The following C1orf210 variants were observed in gnomAD, a reference collection of about 807,000 sequenced individuals.
C1orf210 encodes chromosome 1 open reading frame 210.
C1orf210 carries 3 observed loss-of-function variants against 3.7 expected under a neutral mutation model. The ratio of observed to expected loss-of-function variants is 0.81; its 90% CI spans 0.37 to 2.08. C1orf210 has a LOEUF of 2.08. Ranked by LOEUF, C1orf210 falls within the 30% of genes most tolerant of loss-of-function variation. The pLI is 0.06. For missense variants in C1orf210, 143 were observed against 147.7 expected (o/e 0.97, Z 0.17); for synonymous variants, 62 against 61.7 (o/e 1.00, Z -0.02).
At chr1:43,284,297 A>G (rs1248582408) in intron 1 of C1orf210, among the ~76,000 whole-genome samples, 2 of 152,082 alleles carry the variant, frequency 1.3e-5, no homozygotes, top group African/African-American at 2.4e-5. Context: ...CTAGGGCAGG[A>G]GCATATCTGC....
rs959267306 is a variant in C1orf210 at position 43,284,062 on chromosome 1, A to G, written c.-98-694T>C. The stretch of plus-strand genomic sequence containing the variant: ...CACAGGGAGGCTCAAGCCAGGGAGT[A>G]TCCAAATGAGGATCACCTGAATCAG... On this transcript the variant is annotated intron_variant, in intron 1 of 2. Transcript: ENST00000523677. Among the ~76,000 whole-genome samples the G allele has an allele frequency of 6.6e-5, 10 of 152,220 alleles. 1 individual carries two copies. Among genetic ancestry groups the G allele is most frequent in the Middle Eastern group, 3.2e-3 (1 of 316 alleles).
intron 1 of C1orf210, among the ~76,000 whole-genome samples, chr1:43,285,018 T>C (rs1027263347): frequency 6.6e-6 from 1 of 152,164 alleles, no homozygotes; most frequent in African/African-American, 2.4e-5. Context: ...TGCAGGGAGC[T>C]GGGCGTTCAG....
At position 43,285,426 on chromosome 1, in the gene C1orf210, A is replaced by G. The variant is rs1344566516; in HGVS notation, c.-99+18T>C. On this transcript the variant is annotated intron_variant, in intron 1 of 2. Coordinates refer to ENST00000523677, the MANE Select transcript of C1orf210 (RefSeq NM_182517.3). ...TCCTCCACCAACAAACACCCCTCTGACATGCACAGACACCTACCCCAACTC... is the reference window on the plus strand; with the variant it reads ...TCCTCCACCAACAAACACCCCTCTGGCATGCACAGACACCTACCCCAACTC... 1 of 152,228 alleles carries G rather than the reference A, an allele frequency of 6.6e-6. No homozygotes were observed. The highest frequency in any genetic ancestry group is 6.6e-5 in the Admixed American group (1 of 15,260). 9.4% of individuals were successfully genotyped at this position (152,228 alleles called of 1,614,324 possible).
At chr1:43,283,184 G>T (rs990683027) in intron 2 of C1orf210, 68 bp downstream of exon 2, 9 of 1,599,172 alleles carry the variant, frequency 5.6e-6, no homozygotes, top group Non-Finnish European at 6.8e-6. Context: ...TGCAGGTAGG[G>T]TCCTTCCCCC....
chr1:43,282,266 G>GGA lies in C1orf210; in HGVS notation c.*518_*519insTC, dbSNP rs796142347. 2.1e-5 allele frequency: 3 copies of GGA among 145,808 alleles called. No individual in the cohort carries two copies. The highest frequency in any genetic ancestry group is 3.0e-5 in the Non-Finnish European group (2 of 66,682). 9.0% of individuals were successfully genotyped at this position (145,808 alleles called of 1,614,324 possible). On this transcript the variant is annotated 3_prime_UTR_variant, in exon 3 of 3. Coordinates refer to ENST00000523677, the MANE Select transcript of C1orf210 (RefSeq NM_182517.3). ...GCAACAGAGTGAGACTCCGTCTCAGGAAAAAAAAAAAAAGGAAGCTTGGCA... is the reference window on the plus strand; with the variant it reads ...GCAACAGAGTGAGACTCCGTCTCAGGGAAAAAAAAAAAAAAGGAAGCTTGGCA...
chr1:43,282,995 G>A lies in C1orf210; in HGVS notation c.132C>T (p.Leu44=), dbSNP rs368082978. The A allele has an allele frequency of 1.2e-5, 19 of 1,614,026 alleles. No individual in the cohort carries two copies. Among genetic ancestry groups the A allele is most frequent in the Non-Finnish European group, 1.4e-5 (17 of 1,179,986 alleles). The change falls in exon 3 of 3, where the codon CTC becomes CTT. Residue 44 remains leucine (L), a synonymous_variant. Transcript: ENST00000523677. ...TGGCAGCAAGTGCAATGAGGAGCGA[G>A]AGGACCACAGCCCCCAGCACAAATC... ...LVGFVLGAVV[L]SLLIALAAKC... is the part of the protein sequence containing the mutation.
Position 43,283,106 on chromosome 1 carries a change from T to G in C1orf210, c.21A>C (p.Thr7=). 1 of 1,612,002 alleles carries G rather than the reference T, an allele frequency of 6.2e-7. No individual in the cohort carries two copies. Among genetic ancestry groups the G allele is most frequent in the Non-Finnish European group, 8.5e-7 (1 of 1,178,756 alleles). Reference sequence around the variant, plus strand: ...TGGGGAGCTCCGAAGGCCCAACAAGTGCTGCAGAGAAAGGGACAGCATTAT... The same window carrying G: ...TGGGGAGCTCCGAAGGCCCAACAAGGGCTGCAGAGAAAGGGACAGCATTAT... The part of the protein sequence containing the change: MNETNK[T]LVGPSELPTA... Residue 7 remains threonine (T), a splice_region_variant and synonymous_variant, in exon 3 of 3, where the codon ACA becomes ACC. Transcript: ENST00000523677.
At chr1:43,284,127 C>T (rs575543046) in intron 1 of C1orf210, among the ~76,000 whole-genome samples, 4 of 152,148 alleles carry the variant, frequency 2.6e-5, no homozygotes, top group African/African-American at 9.7e-5. Flanking sequence ...AGAGGAGGAA[C>T]ACTTCAATTA....
Position 43,283,026 on chromosome 1 carries a change from A to G in C1orf210, c.101T>C (p.Leu34Pro), listed in dbSNP as rs768316055. 1 of 1,614,050 alleles carries G rather than the reference A, an allele frequency of 6.2e-7. No individual in the cohort carries two copies. The highest frequency in any genetic ancestry group is 1.7e-5 in the Admixed American group (1 of 60,030). Residue 34 changes from leucine to proline, a missense_variant, in exon 3 of 3, where the codon CTG becomes CCG. By Grantham distance (98) the Leu-to-Pro change is moderately conservative. Transcript: ENST00000523677. ...CACAGCCCCCAGCACAAATCCTACC[A>G]GCACAGGCCATGCCCGAGCCCCAGT... Reference protein sequence around the residue: ...PGTGARAWPVLVGFVLGAVVL... With the variant: ...PGTGARAWPVPVGFVLGAVVL...
At chr1:43,283,128 T>C in intron 2 of C1orf210, 21 bp from the exon 3 acceptor site, 1 of 1,606,080 alleles carries the variant, frequency 6.2e-7, no homozygotes, top group Non-Finnish European at 8.5e-7. Flanking sequence ...AGGGACAGCA[T>C]TATAGGTGGG....
Position 43,283,319 on chromosome 1 carries a change from C to T in C1orf210, c.-49G>A, listed in dbSNP as rs1363640842. 6.2e-7 allele frequency: 1 copy of T among 1,607,080 alleles called. No homozygotes were observed. The highest frequency in any genetic ancestry group is 8.5e-7 in the Non-Finnish European group (1 of 1,177,128). ...AGTCTCAGCCTCAACCAGAAAGAGCCCTGGCTCTGAGGAGGCCCCCAGATG... is the reference window on the plus strand; with the variant it reads ...AGTCTCAGCCTCAACCAGAAAGAGCTCTGGCTCTGAGGAGGCCCCCAGATG... On this transcript the variant is annotated 5_prime_UTR_variant, in exon 2 of 3. Transcript: ENST00000523677.
intron 1 of C1orf210, among the ~76,000 whole-genome samples, chr1:43,284,979 G>A (rs1329094734): frequency 1.3e-5 from 2 of 152,236 alleles, no homozygotes; most frequent in East Asian, 1.9e-4. Flanking sequence ...CGTGGGCAAC[G>A]GCTGGCTGAA....
At chr1:43,285,791 A>G (rs921182181), upstream of C1orf210, among the ~76,000 whole-genome samples, 11 of 151,898 alleles carry the variant, frequency 7.2e-5, no homozygotes, top group South Asian at 4.2e-4. Flanking sequence ...TCACCCCCCA[A>G]TGCTTGCGGT....
chr1:43,283,487 C>T (rs528284447), intron 1 of C1orf210, 119 bp from the exon 2 acceptor site: 2 of 521,494 alleles, frequency 3.8e-6, no homozygotes, highest in Non-Finnish European at 6.8e-6. Flanking sequence ...ACCACACCAG[C>T]TCTCCACAGA....
chr1:43,284,248 G>C (rs1448367948), intron 1 of C1orf210, among the ~76,000 whole-genome samples: 1 of 152,138 alleles, frequency 6.6e-6, no homozygotes, highest in Non-Finnish European at 1.5e-5. Flanking sequence ...GTATCTAGAG[G>C]AGGAGCATGA....
chr1:43,282,847 A>T lies in C1orf210; in HGVS notation c.280T>A (p.Tyr94Asn), dbSNP rs1435535101. Residue 94 changes from tyrosine to asparagine, a missense_variant, in exon 3 of 3, where the codon TAC (tyrosine) becomes AAC (asparagine). Physicochemically the swap from Tyr to Asn is moderately radical, Grantham distance 143. Coordinates refer to ENST00000523677, the MANE Select transcript of C1orf210 (RefSeq NM_182517.3). Reference sequence around the variant, plus strand: ...AGCTCGCCAGTCCCAGGCTGAATGTAATTGTCCTCGATGAAGCCATCATCA... The same window carrying T: ...AGCTCGCCAGTCCCAGGCTGAATGTTATTGTCCTCGATGAAGCCATCATCA... The part of the protein sequence containing the change: ...EDDDGFIEDN[Y>N]IQPGTGELGT... The T allele has an allele frequency of 6.2e-7, 1 of 1,614,064 alleles. No individual in the cohort carries two copies. The highest frequency in any genetic ancestry group is 1.1e-5 in the South Asian group (1 of 91,082).
At chr1:43,283,906 G>A (rs1646562949) in intron 1 of C1orf210, among the ~76,000 whole-genome samples, 1 of 152,044 alleles carries the variant, frequency 6.6e-6, no homozygotes, top group Non-Finnish European at 1.5e-5. Context: ...TGAGGACAGG[G>A]GCCCTGGACA....
At chr1:43,284,669 G>A (rs1330325507) in intron 1 of C1orf210, among the ~76,000 whole-genome samples, 5 of 151,988 alleles carry the variant, frequency 3.3e-5, no homozygotes. Flanking sequence ...CCCTTCAAAA[G>A]CTCCCCATGC....
rs530369281 is a variant in C1orf210, at chr1:43,283,910, C to T, written c.-98-542G>A. 4.6e-5 allele frequency among the ~76,000 whole-genome samples: 7 copies of T among 152,284 alleles called. No individual in the cohort carries two copies. In the South Asian group the frequency reaches 1.4e-3, roughly 32 times the overall value. On this transcript the variant is annotated intron_variant, in intron 1 of 2. Transcript: ENST00000523677. ...CAAGTTGCTACTGAGGACAGGGGCCCTGGACACAGCCAGAGCAGCCCTGGC... is the reference window on the plus strand; with the variant it reads ...CAAGTTGCTACTGAGGACAGGGGCCTTGGACACAGCCAGAGCAGCCCTGGC...
Sources: allele counts gnomAD v4.1 joint callset (sites outside exome capture counted in the v4.1 genomes callset), GRCh38; gene constraint gnomAD v4.1.1; transcripts MANE v1.5; gene names NCBI Gene and HGNC (gene_info 2026-07-23, HGNC 2026-07-21).